Variants in ASPM observed in about 807,000 individuals in gnomAD.
ASPM encodes the protein abnormal spindle-like microcephaly-associated protein.
Under a neutral mutation model 366.4 loss-of-function variants are expected in ASPM, and 256 were observed. The observed-to-expected ratio is 0.70, with a 90% confidence interval of 0.63 to 0.77. ASPM has a LOEUF of 0.77. Among genes scored for constraint, ASPM ranks in the 30% least tolerant of loss-of-function variants. The probability of loss-of-function intolerance (pLI) is 0.00; values close to 1 mark genes in which losing one functional copy is unlikely to be tolerated. For synonymous variants in ASPM, 1,414 were observed against 1,342.9 expected (o/e 1.05, Z -1.16); for missense variants, 4,146 against 4,090.4 (o/e 1.01, Z -0.37).
chr1:197,087,054 T>A (rs1016730732), intron 26 of ASPM, 82 bp from the exon 27 acceptor site: 2 of 1,301,700 alleles, frequency 1.5e-6, no homozygotes, highest in African/African-American at 1.5e-5. Context: ...TCAAATATAA[T>A]AAAAACTATG....
rs1220504095 is a variant in ASPM at position 197,143,396 on chromosome 1, C to A, written c.856G>T (p.Val286Phe). 3 of 1,613,926 alleles carry A rather than the reference C, an allele frequency of 1.9e-6. No homozygotes were observed. The East Asian group carries it at 6.7e-5, about 36-fold the overall frequency. The change falls in exon 3 of 28, where the codon GTT becomes TTT. Residue 286 changes from valine to phenylalanine, a missense_variant. By Grantham distance (50) the Val-to-Phe change is conservative. Around this residue, in one of 3 missense-constraint regions of ASPM, gnomAD observed 512 missense variants for 471.7 expected, o/e 1.09. Transcript: ENST00000367409. ...VTETSFNSVN[V>F]NGQRGENSKL... ...CTATTCTCTCCTCTTTGGCCATTAACATTTACGGAATTAAAGGAAGTTTCA... is the reference window on the plus strand; with the variant it reads ...CTATTCTCTCCTCTTTGGCCATTAAAATTTACGGAATTAAAGGAAGTTTCA...
rs1256478301 is a variant in ASPM, at chr1:197,100,601, T to C, written c.8650A>G (p.Lys2884Glu). ...QTRKQFLLYR[K>E]AAVVLQNHYR... ...TGATTTTGTAAAACCACTGCTGCTT[T>C]TCTATATAGTAAAAACTGTTTTCTG... Residue 2884 changes from lysine to glutamate, a missense_variant, in exon 18 of 28, where the codon AAA becomes GAA. This residue lies in a region of ASPM where 3,624 missense variants were observed against 3,591.7 expected (regional missense o/e 1.01). Coordinates refer to ENST00000367409, the MANE Select transcript of ASPM (RefSeq NM_018136.5). The C allele has an allele frequency of 1.2e-6, 2 of 1,612,008 alleles. No individual in the cohort carries two copies. Among genetic ancestry groups the C allele is most frequent in the Non-Finnish European group, 1.7e-6 (2 of 1,178,802 alleles).
chr1:197,138,397 G>T (rs912309359), intron 4 of ASPM, among the ~76,000 whole-genome samples: 5 of 151,978 alleles, frequency 3.3e-5, no homozygotes, highest in African/African-American at 1.2e-4. Context: ...CCACCTCTGG[G>T]GCCCAAGTGA....
rs1557967960 is a variant in ASPM at position 197,146,618 on chromosome 1, A to G, written c.-181T>C. The G allele has an allele frequency of 1.5e-6, 1 of 659,000 alleles. No individual in the cohort carries two copies. Among genetic ancestry groups the G allele is most frequent in the Non-Finnish European group, 2.6e-6 (1 of 387,296 alleles). The allele number at this position is 659,000 out of a possible 1,614,324, so 40.8% of individuals were successfully genotyped here. ...CCCTAGAAAACAGAAAACAAGCCCA[A>G]TAAACTCGCAAATTAAAAAGAGGAG... is the stretch of plus-strand genomic sequence containing the variant. On this transcript the variant is annotated 5_prime_UTR_variant, in exon 1 of 28. Coordinates refer to ENST00000367409, the MANE Select transcript of ASPM (RefSeq NM_018136.5).
intron 16 of ASPM, among the ~76,000 whole-genome samples, chr1:197,118,812 T>C (rs866080019): frequency 1.3e-5 from 2 of 152,144 alleles, no homozygotes; most frequent in Non-Finnish European, 2.9e-5. Flanking sequence ...TCAGGCAGTT[T>C]GGCTTTAAAG....
intron 4 of ASPM, among the ~76,000 whole-genome samples, chr1:197,138,397 G>GGCCCAAGTGACTCTCCCA (rs1658483438): frequency 6.6e-6 from 1 of 151,978 alleles, no homozygotes; most frequent in African/African-American, 2.4e-5. Flanking sequence ...CCACCTCTGG[G>GGCCCAAGTGACTCTCCCA]GCCCAAGTGA....
chr1:197,136,171 A>G (rs970944152), intron 4 of ASPM, among the ~76,000 whole-genome samples: 1 of 152,204 alleles, frequency 6.6e-6, no homozygotes, highest in Non-Finnish European at 1.5e-5. Context: ...GGAGAAATTA[A>G]GACATTTCTA....
At chr1:197,111,205 T>C (rs1657572391) in intron 17 of ASPM, among the ~76,000 whole-genome samples, 2 of 152,088 alleles carry the variant, frequency 1.3e-5, no homozygotes, top group Non-Finnish European at 2.9e-5. Flanking sequence ...AAAGGTCTAA[T>C]ATTCAGTATC....
In ASPM at chr1:197,084,246, G is replaced by C. The variant is rs3790415; in HGVS notation, c.*78C>G. ...TCAGATTTTAAAAGTTGTACACGGA[G>C]AGCAAAAATCACTTTACGTACTCAT... On this transcript the variant is annotated 3_prime_UTR_variant, in exon 28 of 28. Coordinates refer to ENST00000367409, the MANE Select transcript of ASPM (RefSeq NM_018136.5). 57 of 1,066,660 alleles carry C rather than the reference G, an allele frequency of 5.3e-5. 1 individual carries two copies. In the East Asian group the frequency reaches 1.3e-3, roughly 25 times the overall value. The allele number at this position is 1,066,660 out of a possible 1,614,324, so 66.1% of individuals were successfully genotyped here. A position where few individuals can be genotyped will look rare whatever the true frequency, so the allele number is the denominator to read the frequency against.
Position 197,133,392 on chromosome 1 carries a change from G to T in ASPM, c.2377C>A (p.Arg793=), listed in dbSNP as rs779018406. 7 of 1,613,646 alleles carry T rather than the reference G, an allele frequency of 4.3e-6. No homozygotes were observed. The African/African-American group carries it at 5.3e-5, about 12-fold the overall frequency. The change falls in exon 6 of 28, where the codon CGG becomes AGG. Residue 793 remains arginine (R), a synonymous_variant. Coordinates refer to ENST00000367409, the MANE Select transcript of ASPM (RefSeq NM_018136.5). ...TGTCTATCTTTTCGAACAATTAACC[G>T]CCTAGCTTCAATTTCAATTTCAAGC... is the stretch of plus-strand genomic sequence containing the variant. ...KKLEIEIEAR[R]LIVRKDRHLW...
chr1:197,091,172 G>C lies in ASPM; in HGVS notation c.9445-131C>G, dbSNP rs553590311. 73 of 845,834 alleles carry C rather than the reference G, an allele frequency of 8.6e-5. No individual in the cohort carries two copies. The African/African-American group carries it at 1.1e-3, about 12-fold the overall frequency. 52.4% of individuals were successfully genotyped at this position (845,834 alleles called of 1,614,324 possible). On this transcript the variant is annotated intron_variant, in intron 22 of 27. Coordinates refer to ENST00000367409, the MANE Select transcript of ASPM (RefSeq NM_018136.5). ...AAGAAATCTTTCAGCTTTCCACAGA[G>C]GCATTACTTCCCCACTCCACTTGGT...
At chr1:197,086,247 G>T (rs1291428858) in intron 27 of ASPM, among the ~76,000 whole-genome samples, 1 of 151,786 alleles carries the variant, frequency 6.6e-6, no homozygotes, top group South Asian at 2.1e-4. Context: ...AAGGAAGGAA[G>T]GGAGGGAGAG....
intron 3 of ASPM, among the ~76,000 whole-genome samples, chr1:197,142,117 T>A (rs778828911): frequency 2.2e-4 from 34 of 152,166 alleles, no homozygotes; most frequent in Non-Finnish European, 4.6e-4. Flanking sequence ...GAATTTGTTA[T>A]CTGATCAGAA....
Position 197,146,499 on chromosome 1 carries a change from G to A in ASPM, c.-62C>T, listed in dbSNP as rs1293775447. Reference sequence around the variant, plus strand: ...GCTCCCACGAGGCGGCTCCGGAGCGGGGATCCGGGACTTACGCTGACCGCT... The same window carrying A: ...GCTCCCACGAGGCGGCTCCGGAGCGAGGATCCGGGACTTACGCTGACCGCT... On this transcript the variant is annotated 5_prime_UTR_variant, in exon 1 of 28. Transcript: ENST00000367409. 1.9e-6 allele frequency: 3 copies of A among 1,574,644 alleles called. No homozygotes were observed. The highest frequency in any genetic ancestry group is 4.5e-5 in the East Asian group (2 of 44,404).
At chr1:197,134,967 T>A (rs1287384123) in intron 5 of ASPM, 129 bp downstream of exon 5, 5 of 774,334 alleles carry the variant, frequency 6.5e-6, no homozygotes, top group Non-Finnish European at 1.0e-5. Context: ...ATACAAGCAT[T>A]TAGGCTAATG....
intron 16 of ASPM, among the ~76,000 whole-genome samples, chr1:197,121,046 T>G (rs1657892368): frequency 6.6e-6 from 1 of 152,182 alleles, no homozygotes; most frequent in African/African-American, 2.4e-5. Context: ...ATGCATTATA[T>G]TTCAAAGTTG....
intron 21 of ASPM, among the ~76,000 whole-genome samples, 157 bp downstream of exon 21, chr1:197,092,895 T>A (rs1656829303): frequency 6.6e-6 from 1 of 151,918 alleles, no homozygotes; most frequent in Non-Finnish European, 1.5e-5. Flanking sequence ...TGACAGTCAG[T>A]GCTCTTGTCA....
At chr1:197,086,731 T>C in intron 27 of ASPM, 72 bp downstream of exon 27, 2 of 1,270,422 alleles carry the variant, frequency 1.6e-6, no homozygotes, top group African/African-American at 1.4e-5. Context: ...TTATGGTAAG[T>C]GCTCAATAAA....
chr1:197,114,599 G>C (rs977560579), intron 17 of ASPM, among the ~76,000 whole-genome samples: 11 of 152,028 alleles, frequency 7.2e-5, no homozygotes, highest in African/African-American at 2.7e-4. Context: ...AAACAGTTAG[G>C]GTCTCACTGT....
Sources: gnomAD v4.1 joint callset for allele counts (sites outside exome capture counted in the v4.1 genomes callset) on GRCh38, gnomAD v4.1.1 for gene constraint, gnomAD v4.1.1 regional missense constraint, MANE v1.5 for transcripts, NCBI Gene and HGNC (gene_info 2026-07-23, HGNC 2026-07-21) for gene names.